NUGGC: variants seen among roughly 807,000 people sequenced by gnomAD.
The protein encoded by NUGGC is nuclear GTPase, germinal center associated, also known as nuclear GTPase SLIP-GC.
In NUGGC, 58 loss-of-function variants were observed where a neutral mutation model predicts 92.6. That is an observed-to-expected ratio of 0.63 (90% CI 0.51 to 0.78). NUGGC has a LOEUF of 0.78. Among genes scored for constraint, NUGGC ranks in the 30% least tolerant of loss-of-function variants. The pLI is 0.00. For synonymous variants in NUGGC, 376 were observed against 366.4 expected (o/e 1.03, Z -0.30); for missense variants, 925 against 964.6 (o/e 0.96, Z 0.54).
rs371363580 is a variant in NUGGC at position 28,030,403 on chromosome 8, C to T, written c.1924G>A (p.Gly642Arg). ...CTGAGGATGTGGTCCTCCAGGCCCCCGAGGATGGCACTTATCTGGGAAGAT... is the reference window on the plus strand; with the variant it reads ...CTGAGGATGTGGTCCTCCAGGCCCCTGAGGATGGCACTTATCTGGGAAGAT... ...FLIQEISAIL[G>R]GLEDHILRRK... is the part of the protein sequence containing the mutation. Residue 642 changes from glycine (G) to arginine (R), a missense_variant, in exon 16 of 19, where the codon GGG becomes AGG. Transcript: ENST00000413272. 7.1e-5 allele frequency: 111 copies of T among 1,568,130 alleles called. 1 individual carries two copies. Among genetic ancestry groups the T allele is most frequent in the South Asian group, 5.7e-4 (49 of 85,376 alleles).
intron 10 of NUGGC, among the ~76,000 whole-genome samples, chr8:28,048,860 CAAAAAAAAAA>C: frequency 9.1e-6 from 1 of 109,402 alleles, no homozygotes; most frequent in South Asian, 2.9e-4. Context: ...GATTCCATCT[CAAAAAAAAAA>C]AAAAAAAAAA....
At position 28,072,077 on chromosome 8, in the gene NUGGC, C is replaced by T. The variant is rs896285677; in HGVS notation, c.44-1721G>A. ...ATCTTCCAGTAGAAATGGAAGCCAA[C>T]GCACACCCCGTAGAATATTCTAGTG... On this transcript the variant is annotated intron_variant, in intron 2 of 18. Coordinates refer to ENST00000413272, the MANE Select transcript of NUGGC (RefSeq NM_001010906.2). Among the ~76,000 whole-genome samples the T allele has an allele frequency of 1.5e-4, 23 of 152,312 alleles. 1 individual carries two copies. The highest frequency in any genetic ancestry group is 9.6e-4 in the East Asian group (5 of 5,184).
intron 8 of NUGGC, among the ~76,000 whole-genome samples, chr8:28,059,990 C>T (rs1259368555): frequency 1.3e-5 from 2 of 151,520 alleles, no homozygotes; most frequent in East Asian, 1.9e-4. Flanking sequence ...CATTGCACTC[C>T]AGCCTGGGCG....
chr8:28,055,825 C>T, intron 10 of NUGGC, 140 bp downstream of exon 10: 1 of 556,676 alleles, frequency 1.8e-6, no homozygotes, highest in Non-Finnish European at 3.2e-6. Context: ...AGAGTGAGAC[C>T]CGCGTCTCAA....
chr8:28,037,736 TA>T (rs935270829), intron 13 of NUGGC, among the ~76,000 whole-genome samples: 4 of 152,144 alleles, frequency 2.6e-5, no homozygotes, highest in Admixed American at 2.6e-4. Context: ...CTGAGGTTTC[TA>T]AAAAAAGTTC....
At position 28,060,617 on chromosome 8, in the gene NUGGC, A is replaced by G; in HGVS notation, c.922-16T>C. 4 of 1,604,854 alleles carry G rather than the reference A, an allele frequency of 2.5e-6. No homozygotes were observed. The highest frequency in any genetic ancestry group is 1.1e-5 in the South Asian group (1 of 89,984). ...TGTCAATGGTCTGCAAAACATGACC[A>G]CGGCATGTGTCAGCACAGGAATGGA... On this transcript the variant is annotated splice_polypyrimidine_tract_variant and intron_variant, in intron 7 of 18. Coordinates refer to ENST00000413272, the MANE Select transcript of NUGGC (RefSeq NM_001010906.2).
chr8:28,039,729 C>G (rs1172039517), intron 13 of NUGGC, among the ~76,000 whole-genome samples: 1 of 152,184 alleles, frequency 6.6e-6, no homozygotes, highest in East Asian at 1.9e-4. Context: ...AAACTACAAC[C>G]ACAGACCATC....
intron 3 of NUGGC, 143 bp downstream of exon 3, chr8:28,070,107 CAG>C: frequency 7.0e-7 from 1 of 1,438,104 alleles, no homozygotes. Flanking sequence ...CATACCGCTA[CAG>C]AGACTTTGAG....
chr8:28,060,983 A>G (rs958930598), intron 7 of NUGGC, among the ~76,000 whole-genome samples: 3 of 151,996 alleles, frequency 2.0e-5, no homozygotes, highest in Admixed American at 6.6e-5. Context: ...CTTGGGATCC[A>G]CCTCACCTCA....
At chr8:28,051,942 AAAAC>A (rs1030781382) in intron 10 of NUGGC, among the ~76,000 whole-genome samples, 9 of 152,110 alleles carry the variant, frequency 5.9e-5, no homozygotes, top group African/African-American at 1.9e-4. Context: ...AACAAAAACA[AAAAC>A]AAACAAAAAA....
chr8:28,032,343 T>C (rs967782030), intron 14 of NUGGC, among the ~76,000 whole-genome samples: 1 of 152,080 alleles, frequency 6.6e-6, no homozygotes. Flanking sequence ...GGCAACCACG[T>C]GAAATGCCAG....
chr8:28,077,994 C>G (rs1459050008), intron 1 of NUGGC, among the ~76,000 whole-genome samples: 1 of 152,158 alleles, frequency 6.6e-6, no homozygotes, highest in African/African-American at 2.4e-5. Flanking sequence ...TTCAGAATCA[C>G]AAGAACTTTA....
rs141602024 is a variant in NUGGC, at chr8:28,041,627, G to A, written c.1447-412C>T. Among the ~76,000 whole-genome samples the A allele has an allele frequency of 3.3e-5, 5 of 152,290 alleles. No homozygotes were observed. In the East Asian group the frequency reaches 7.7e-4, roughly 23 times the overall value. ...GCACGAAGGAGTTTTTAAGGATAAT[G>A]CTTCTTAAATTTTAACATGCATACA... On this transcript the variant is annotated intron_variant, in intron 12 of 18. Transcript: ENST00000413272.
chr8:28,042,215 G>A (rs969850653), intron 12 of NUGGC, among the ~76,000 whole-genome samples: 3 of 152,262 alleles, frequency 2.0e-5, no homozygotes, highest in Middle Eastern at 3.4e-3. Flanking sequence ...GTCTTTATCA[G>A]CAGCATGAAA....
In NUGGC at chr8:28,060,470, C is replaced by A; in HGVS notation, c.1053G>T (p.Leu351=). 1.2e-6 allele frequency: 2 copies of A among 1,613,894 alleles called. No homozygotes were observed. Among genetic ancestry groups the A allele is most frequent in the Non-Finnish European group, 8.5e-7 (1 of 1,179,840 alleles). Residue 351 remains leucine, a synonymous_variant, in exon 8 of 19, where the codon CTG becomes CTT. Coordinates refer to ENST00000413272, the MANE Select transcript of NUGGC (RefSeq NM_001010906.2). ...GGAGTTTGTCCATCTTGGTGACCAC[C>A]AGGGCCACGTCCCTACAGAAGCCCC... ...CQRGFCRDVA[L]VVTKMDKLHL... is the part of the protein sequence containing the mutation.
chr8:28,080,173 C>T (rs1211017562), intron 1 of NUGGC, among the ~76,000 whole-genome samples: 1 of 152,058 alleles, frequency 6.6e-6, no homozygotes, highest in African/African-American at 2.4e-5. Context: ...AACCCCTGAC[C>T]TCAGGTGATC....
intron 18 of NUGGC, among the ~76,000 whole-genome samples, chr8:28,026,051 T>C (rs564126499): frequency 1.3e-5 from 2 of 152,234 alleles, no homozygotes; most frequent in South Asian, 4.1e-4. Flanking sequence ...TTACTCACTT[T>C]GCTGTTTTCC....
At chr8:28,049,780 C>T (rs1289921817) in intron 10 of NUGGC, among the ~76,000 whole-genome samples, 1 of 152,078 alleles carries the variant, frequency 6.6e-6, no homozygotes, top group Non-Finnish European at 1.5e-5. Flanking sequence ...GAGGAGAAAA[C>T]GTGGAAGCTC....
intron 15 of NUGGC, 79 bp downstream of exon 15, chr8:28,031,164 G>C (rs1035824964): frequency 3.4e-5 from 51 of 1,518,270 alleles, no homozygotes; most frequent in Non-Finnish European, 4.3e-5. Context: ...CAAGGGAACA[G>C]ACAGGCAACC....
Sources: allele counts gnomAD v4.1 joint callset (sites outside exome capture counted in the v4.1 genomes callset), GRCh38; gene constraint gnomAD v4.1.1; transcripts MANE v1.5; gene names NCBI Gene and HGNC (gene_info 2026-07-23, HGNC 2026-07-21).